The following KIF26B variants were observed in gnomAD, a reference collection of about 807,000 sequenced individuals.
The protein encoded by KIF26B is kinesin family member 26B.
In KIF26B, 63 loss-of-function variants were observed where a neutral mutation model predicts 151.2. That is an observed-to-expected ratio of 0.42 (90% confidence interval 0.34 to 0.51). The LOEUF is 0.51. KIF26B is among the 20% of genes least tolerant of loss of function. The pLI is 0.07. For synonymous variants in KIF26B, 1,357 were observed against 1,262.1 expected (o/e 1.08, Z -1.59); for missense variants, 2,813 against 2,913.6 (o/e 0.97, Z 0.79).
intron 5 of KIF26B, among the ~76,000 whole-genome samples, chr1:245,547,167 C>T (rs2103106630): frequency 6.6e-6 from 1 of 152,340 alleles, no homozygotes; most frequent in Admixed American, 6.5e-5. Context: ...GACACAGGGG[C>T]TTTCTTCTAT....
intron 10 of KIF26B, among the ~76,000 whole-genome samples, chr1:245,681,190 C>T (rs867858869): frequency 1.9e-4 from 28 of 151,190 alleles, no homozygotes; most frequent in East Asian, 3.9e-4. Flanking sequence ...TCCTTTTATC[C>T]GGTCTTTGGT....
intron 5 of KIF26B, among the ~76,000 whole-genome samples, chr1:245,600,318 G>A (rs531361814): frequency 1.6e-4 from 23 of 144,284 alleles, no homozygotes; most frequent in Middle Eastern, 7.0e-3. Context: ...GATTACAGGC[G>A]TGAGCCACCA....
At position 245,308,588 on chromosome 1, in the gene KIF26B, C is replaced by T. The variant is rs111649325; in HGVS notation, c.466-58246C>T. Among the ~76,000 whole-genome samples, 76 of 152,138 alleles carry T rather than the reference C, an allele frequency of 5.0e-4. 2 individuals are homozygous for T. Among genetic ancestry groups the T allele is most frequent in the Admixed American group, 2.6e-3 (39 of 15,266 alleles). On this transcript the variant is annotated intron_variant, in intron 2 of 14. Coordinates refer to ENST00000407071, the MANE Select transcript of KIF26B (RefSeq NM_018012.4). ...CAAAATACAAAATAAAAAGAGTAGCCGGGCATGGTAGCGTGCACCTGTAGT... is the reference window on the plus strand; with the variant it reads ...CAAAATACAAAATAAAAAGAGTAGCTGGGCATGGTAGCGTGCACCTGTAGT...
intron 2 of KIF26B, among the ~76,000 whole-genome samples, chr1:245,345,917 C>A (rs1672444371): frequency 6.8e-6 from 1 of 147,396 alleles, no homozygotes; most frequent in Non-Finnish European, 1.5e-5. Flanking sequence ...TCAGGTATTT[C>A]TTTTTCTTTC....
intron 2 of KIF26B, among the ~76,000 whole-genome samples, chr1:245,300,804 C>T (rs1271947600): frequency 7.0e-6 from 1 of 143,376 alleles, no homozygotes; most frequent in Non-Finnish European, 1.5e-5. Flanking sequence ...GCTGGGATTA[C>T]AGGTGTGAGC....
chr1:245,674,857 C>T (rs1323925167), intron 10 of KIF26B, among the ~76,000 whole-genome samples: 1 of 152,168 alleles, frequency 6.6e-6, no homozygotes, highest in African/African-American at 2.4e-5. Flanking sequence ...GCACGGCCCC[C>T]AGTCTGCCAA....
At chr1:245,639,782 T>C (rs2043869475) in intron 9 of KIF26B, among the ~76,000 whole-genome samples, 1 of 151,462 alleles carries the variant, frequency 6.6e-6, no homozygotes, top group Non-Finnish European at 1.5e-5. Flanking sequence ...TTCCAACATT[T>C]CTTGTTATTT....
intron 12 of KIF26B, among the ~76,000 whole-genome samples, chr1:245,692,207 G>A (rs562380624): frequency 1.3e-5 from 2 of 152,302 alleles, no homozygotes; most frequent in Non-Finnish European, 2.9e-5. Flanking sequence ...CTTGGTGATA[G>A]TTTCTGGTGT....
At chr1:245,188,678 G>C (rs1408988674) in intron 2 of KIF26B, among the ~76,000 whole-genome samples, 2 of 152,136 alleles carry the variant, frequency 1.3e-5, no homozygotes, top group Admixed American at 6.5e-5. Context: ...AATTAAACAA[G>C]GAATTACATA....
chr1:245,201,972 A>C (rs571516708), intron 2 of KIF26B, among the ~76,000 whole-genome samples: 7 of 152,276 alleles, frequency 4.6e-5, no homozygotes, highest in Admixed American at 3.3e-4. Context: ...TTTATAAGTC[A>C]GCCTGAATAT....
chr1:245,312,824 C>T (rs1396407136), intron 2 of KIF26B, among the ~76,000 whole-genome samples: 1 of 152,142 alleles, frequency 6.6e-6, no homozygotes, highest in East Asian at 1.9e-4. Flanking sequence ...AATGCAAAAA[C>T]ACTACCATAA....
At chr1:245,257,465 G>A (rs939391290) in intron 2 of KIF26B, among the ~76,000 whole-genome samples, 16 of 152,300 alleles carry the variant, frequency 1.1e-4, no homozygotes, top group Non-Finnish European at 8.8e-5. Flanking sequence ...GAGGGAATAC[G>A]TGTGTGGGCA....
chr1:245,249,012 T>C (rs1670389661), intron 2 of KIF26B, among the ~76,000 whole-genome samples: 1 of 152,228 alleles, frequency 6.6e-6, no homozygotes, highest in South Asian at 2.1e-4. Flanking sequence ...GTGAGTTCGC[T>C]TTAGCTGAGT....
chr1:245,253,964 C>T (rs957310386), intron 2 of KIF26B, among the ~76,000 whole-genome samples: 1 of 151,746 alleles, frequency 6.6e-6, no homozygotes, highest in Non-Finnish European at 1.5e-5. Context: ...CGCCCGCCAC[C>T]ACGCCCGGCT....
chr1:245,417,661 T>C (rs910243321), intron 3 of KIF26B, among the ~76,000 whole-genome samples: 4 of 152,242 alleles, frequency 2.6e-5, no homozygotes, highest in African/African-American at 9.6e-5. Context: ...AGCTCGTGCA[T>C]TGAAATTCAT....
intron 4 of KIF26B, among the ~76,000 whole-genome samples, chr1:245,505,246 T>C (rs1166059934): frequency 2.0e-5 from 3 of 151,920 alleles, no homozygotes; most frequent in African/African-American, 4.8e-5. Flanking sequence ...CCTATTTTTT[T>C]TTTTTTAATA....
chr1:245,312,043 C>T (rs1390024940), intron 2 of KIF26B, among the ~76,000 whole-genome samples: 1 of 152,186 alleles, frequency 6.6e-6, no homozygotes, highest in Non-Finnish European at 1.5e-5. Flanking sequence ...AGGCTGATGG[C>T]TTAGTCATCC....
At chr1:245,253,541 C>T (rs1670480408) in intron 2 of KIF26B, among the ~76,000 whole-genome samples, 1 of 151,940 alleles carries the variant, frequency 6.6e-6, no homozygotes, top group Non-Finnish European at 1.5e-5. Context: ...GTGATACTAG[C>T]TTTAGGAAAT....
chr1:245,336,082 AGG>A (rs1672225687), intron 2 of KIF26B, among the ~76,000 whole-genome samples: 11 of 130,544 alleles, frequency 8.4e-5, no homozygotes, highest in African/African-American at 2.9e-4. Flanking sequence ...CAGGGAAAGG[AGG>A]GTCCCACGCA....
Sources: allele counts gnomAD v4.1 joint callset (sites outside exome capture counted in the v4.1 genomes callset), GRCh38; gene constraint gnomAD v4.1.1; transcripts MANE v1.5; gene names NCBI Gene and HGNC (gene_info 2026-07-23, HGNC 2026-07-21).